Variants in TUSC3 observed in about 807,000 individuals in gnomAD.
The protein encoded by TUSC3 is tumor suppressor candidate 3.
A neutral mutation model predicts 44.8 loss-of-function variants in TUSC3; 45 were observed. The observed-to-expected ratio is 1.00, with a 90% confidence interval of 0.79 to 1.29. The LOEUF (loss-of-function observed/expected upper bound fraction) is 1.29. Ranked by LOEUF, TUSC3 falls within the 50% of genes most tolerant of loss-of-function variation. TUSC3 has a pLI of 0.00. For missense variants in TUSC3, 519 were observed against 437.9 expected (o/e 1.19, Z -1.65); for synonymous variants, 212 against 152.9 (o/e 1.39, Z -2.85).
At chr8:15,619,046 T>C (rs1401536692) in intron 1 of TUSC3, among the ~76,000 whole-genome samples, 1 of 152,222 alleles carries the variant, frequency 6.6e-6, no homozygotes. Context: ...TTACCTTATA[T>C]GCTGTGTTTT....
At chr8:15,449,493 A>G (rs958964909) in intron 1 of TUSC3, among the ~76,000 whole-genome samples, 8 of 152,146 alleles carry the variant, frequency 5.3e-5, no homozygotes, top group Admixed American at 5.2e-4. Flanking sequence ...ATACTGCCTC[A>G]AGTTAGCAAA....
At chr8:15,674,023 T>C (rs562928886) in intron 6 of TUSC3, among the ~76,000 whole-genome samples, 187 bp downstream of exon 6, 3 of 152,140 alleles carry the variant, frequency 2.0e-5, no homozygotes, top group Admixed American at 1.3e-4. Flanking sequence ...ATATTACTTT[T>C]GTTAGGATGA....
chr8:15,722,190 G>A (rs1282573629), intron 6 of TUSC3, among the ~76,000 whole-genome samples: 1 of 150,902 alleles, frequency 6.6e-6, no homozygotes, highest in African/African-American at 2.4e-5. Flanking sequence ...CAGCTATCGT[G>A]AATTATTTCA....
At chr8:15,673,209 G>A (rs1585215273) in intron 5 of TUSC3, among the ~76,000 whole-genome samples, 1 of 151,996 alleles carries the variant, frequency 6.6e-6, no homozygotes, top group South Asian at 2.1e-4. Flanking sequence ...TCCTGGCTAT[G>A]TCTTTTTGTG....
At chr8:15,806,984 T>G in the TUSC3 span, 1 of 1,463,284 alleles carries the variant, frequency 6.8e-7, no homozygotes, top group Admixed American at 1.7e-5. Context: ...CCTGTTCTGA[T>G]TCCATTCTTT....
intron 2 of TUSC3, among the ~76,000 whole-genome samples, chr8:15,630,396 TTTTG>T (rs1805706112): frequency 6.6e-6 from 1 of 152,174 alleles, no homozygotes; most frequent in Non-Finnish European, 1.5e-5. Flanking sequence ...AAAATAAAAT[TTTTG>T]TTTATTATGT....
intron 2 of TUSC3, among the ~76,000 whole-genome samples, chr8:15,529,325 A>C (rs1448521422): frequency 6.6e-6 from 1 of 152,202 alleles, no homozygotes; most frequent in Non-Finnish European, 1.5e-5. Flanking sequence ...GATCATATGC[A>C]AAGGCTTTTG....
At chr8:15,836,752 T>C in the TUSC3 span, among the ~76,000 whole-genome samples, 1 of 152,174 alleles carries the variant, frequency 6.6e-6, no homozygotes, top group South Asian at 2.1e-4. Context: ...TATTGTCACA[T>C]ATACTTTCAC....
chr8:15,651,833 T>C (rs910052805), intron 3 of TUSC3, among the ~76,000 whole-genome samples: 5 of 152,220 alleles, frequency 3.3e-5, no homozygotes, highest in African/African-American at 1.2e-4. Flanking sequence ...GGAACACTCA[T>C]TATCATCGAT....
chr8:15,840,904 G>T, the TUSC3 span, among the ~76,000 whole-genome samples: 2 of 152,128 alleles, frequency 1.3e-5, no homozygotes, highest in Non-Finnish European at 2.9e-5. Context: ...CAAATGCAGT[G>T]CTCATATAGG....
chr8:15,652,965 A>G (rs1480394382), intron 3 of TUSC3, among the ~76,000 whole-genome samples: 1 of 152,244 alleles, frequency 6.6e-6, no homozygotes, highest in African/African-American at 2.4e-5. Flanking sequence ...TACTAAGTAC[A>G]TACTTAGTGT....
chr8:15,572,412 A>G (rs1802912126), intron 1 of TUSC3, among the ~76,000 whole-genome samples: 1 of 152,168 alleles, frequency 6.6e-6, no homozygotes. Flanking sequence ...GTTCTGAATT[A>G]GGCTTGGTTT....
chr8:15,432,669 T>G (rs1799886079), intron 1 of TUSC3, among the ~76,000 whole-genome samples: 3 of 152,158 alleles, frequency 2.0e-5, no homozygotes, highest in Non-Finnish European at 4.4e-5. Flanking sequence ...TCTGTAGTGC[T>G]ATGGTTATGT....
chr8:15,838,511 G>T, the TUSC3 span, among the ~76,000 whole-genome samples: 1 of 151,940 alleles, frequency 6.6e-6, no homozygotes, highest in South Asian at 2.1e-4. Flanking sequence ...TCCAAATGTT[G>T]GCCCACTTTC....
At chr8:15,648,725 C>CAAAAAAA (rs58526383) in intron 2 of TUSC3, among the ~76,000 whole-genome samples, 3,169 of 26,166 alleles carry the variant, frequency 0.12, 1,090 homozygotes, top group Middle Eastern at 0.21. Context: ...GACTCTGTGT[C>CAAAAAAA]AAAAAAAAAA....
chr8:15,834,960 G>T, the TUSC3 span, among the ~76,000 whole-genome samples: 1 of 152,184 alleles, frequency 6.6e-6, no homozygotes, highest in African/African-American at 2.4e-5. Flanking sequence ...AGTATGCACA[G>T]GTTAGGACAT....
intron 9 of TUSC3, among the ~76,000 whole-genome samples, 189 bp from the exon 10 acceptor site, chr8:15,757,602 A>G (rs1811979385): frequency 6.6e-6 from 1 of 152,188 alleles, no homozygotes; most frequent in Admixed American, 6.5e-5. Context: ...AATGACTTAT[A>G]AAGGTCCAAG....
rs1811827273 is a variant in TUSC3 at position 15,754,271 on chromosome 8, CAATAGTA to C, written c.1029-3516_1029-3510del. On this transcript the variant is annotated intron_variant, in intron 9 of 10. Coordinates refer to ENST00000503731, the MANE Select transcript of TUSC3 (RefSeq NM_006765.4). ...CATTTTCTAAGAACATTAGGCTGTA[CAATAGTA>C]AATCATAAACTCTAGGGACCAAGAG... Among the ~76,000 whole-genome samples, 7 of 152,090 alleles carry C rather than the reference CAATAGTA, an allele frequency of 4.6e-5. No homozygotes were observed. In the South Asian group the frequency reaches 1.2e-3, roughly 27 times the overall value.
At chr8:15,471,081 G>C (rs550550771) in intron 1 of TUSC3, among the ~76,000 whole-genome samples, 4 of 152,114 alleles carry the variant, frequency 2.6e-5, no homozygotes, top group African/African-American at 7.2e-5. Flanking sequence ...TCCCTTCTTT[G>C]TAATTACCTG....
Sources: allele counts gnomAD v4.1 joint callset (sites outside exome capture counted in the v4.1 genomes callset), GRCh38; gene constraint gnomAD v4.1.1; transcripts MANE v1.5; gene names NCBI Gene and HGNC (gene_info 2026-07-23, HGNC 2026-07-21).